PLCL1: variants seen among roughly 807,000 people sequenced by gnomAD.
PLCL1 encodes the protein inactive phospholipase C-like protein 1.
In PLCL1, 41 loss-of-function variants were observed where a neutral mutation model predicts 84.4. That is an observed-to-expected ratio of 0.49 (90% CI 0.38 to 0.63). The LOEUF is 0.63. Ranked by LOEUF, PLCL1 falls within the 30% of genes least tolerant of loss-of-function variation. The pLI, the probability that PLCL1 is intolerant of heterozygous loss-of-function variation, is 0.00. For synonymous variants in PLCL1, 490 were observed against 488.3 expected, an observed-to-expected ratio of 1.00 and a Z score of -0.05; for missense variants, 1,206 against 1,367.8, an observed-to-expected ratio of 0.88 and a Z score of 1.87.
chr2:198,092,203 T>C (rs1170893651), intron 3 of PLCL1, among the ~76,000 whole-genome samples: 2 of 150,710 alleles, frequency 1.3e-5, no homozygotes, highest in African/African-American at 4.9e-5. Context: ...TGTCCCAGTC[T>C]CACCTGCATC....
intron 1 of PLCL1, among the ~76,000 whole-genome samples, chr2:197,923,417 C>A (rs1009372600): frequency 2.0e-5 from 3 of 147,144 alleles, no homozygotes; most frequent in Non-Finnish European, 3.0e-5. Flanking sequence ...GGTTGCCAGG[C>A]AGAGGGTCTC....
chr2:198,053,659 A>G (rs1356341011), intron 1 of PLCL1, among the ~76,000 whole-genome samples: 1 of 152,200 alleles, frequency 6.6e-6, no homozygotes, highest in African/African-American at 2.4e-5. Flanking sequence ...GATCCAGTCC[A>G]TTTCGGTAAT....
chr2:197,995,869 A>G (rs1016725293), intron 1 of PLCL1, among the ~76,000 whole-genome samples: 6 of 152,164 alleles, frequency 3.9e-5, no homozygotes, highest in Non-Finnish European at 2.9e-5. Context: ...TGAAAGCAAG[A>G]ACTTTCTGTC....
intron 1 of PLCL1, among the ~76,000 whole-genome samples, chr2:197,922,856 C>A (rs1688737348): frequency 7.5e-6 from 1 of 133,258 alleles, no homozygotes. Context: ...GGCGGCCGGG[C>A]AGAGGCGCCC....
intron 1 of PLCL1, among the ~76,000 whole-genome samples, chr2:197,807,347 CA>C (rs1258384783): frequency 1.9e-5 from 1 of 51,530 alleles, no homozygotes; most frequent in African/African-American, 1.3e-4. Context: ...CTGATTTCTA[CA>C]AAAAAATCTG....
intron 1 of PLCL1, among the ~76,000 whole-genome samples, chr2:197,964,854 TA>T: frequency 6.6e-6 from 1 of 152,322 alleles, no homozygotes; most frequent in South Asian, 2.1e-4. Flanking sequence ...ATATGTTTTT[TA>T]TCTTTTATTC....
At chr2:197,897,109 T>TTCC (rs1427609051) in intron 1 of PLCL1, among the ~76,000 whole-genome samples, 2 of 37,184 alleles carry the variant, frequency 5.4e-5, no homozygotes. Flanking sequence ...CTTCTTCTTC[T>TTCC]TCTTCTTCTT....
chr2:198,012,974 A>G (rs1034962557), intron 1 of PLCL1, among the ~76,000 whole-genome samples: 4 of 152,104 alleles, frequency 2.6e-5, no homozygotes, highest in Non-Finnish European at 5.9e-5. Flanking sequence ...AACCTTTTAC[A>G]TCTCTGCCCC....
chr2:198,127,577 A>G lies in PLCL1; in HGVS notation c.3106-19203A>G, dbSNP rs183306011. On this transcript the variant is annotated intron_variant, in intron 5 of 5. Transcript: ENST00000428675. ...GGTTTTGCTAAGAAAGATAGTTTCC[A>G]TCTGAAAATGTGTGTACATAGTGTT... Among the ~76,000 whole-genome samples, 165 of 152,318 alleles carry G rather than the reference A, an allele frequency of 1.1e-3. 1 individual carries two copies. Among genetic ancestry groups the G allele is most frequent in the Middle Eastern group, 0.01 (3 of 294 alleles).
At position 198,084,407 on chromosome 2, in the gene PLCL1, G is replaced by A. The variant is rs140990771; in HGVS notation, c.890G>A (p.Arg297His). The A allele has an allele frequency of 9.3e-5, 150 of 1,614,014 alleles. No individual in the cohort carries two copies. Among genetic ancestry groups the A allele is most frequent in the Middle Eastern group, 8.2e-4 (5 of 6,084 alleles). The change falls in exon 2 of 6, where the codon CGC becomes CAC. Residue 297 changes from arginine (R) to histidine (H), a missense_variant. Arg to His is a conservative substitution (Grantham distance 29). Transcript: ENST00000428675. ...IQKSKEKLTT[R>H]VTEEEFCEAF... is the part of the protein sequence containing the mutation. ...AAGAGCAAGGAAAAACTAACCACCCGCGTGACCGAAGAGGAATTTTGTGAA... is the reference window on the plus strand; with the variant it reads ...AAGAGCAAGGAAAAACTAACCACCCACGTGACCGAAGAGGAATTTTGTGAA...
intron 1 of PLCL1, among the ~76,000 whole-genome samples, chr2:197,924,030 G>A (rs1395473730): frequency 6.7e-6 from 1 of 149,614 alleles, no homozygotes; most frequent in Non-Finnish European, 1.5e-5. Flanking sequence ...GCCTGCAATC[G>A]CAGGCACTCG....
At chr2:198,023,139 G>T (rs1691179538) in intron 1 of PLCL1, among the ~76,000 whole-genome samples, 2 of 152,154 alleles carry the variant, frequency 1.3e-5, no homozygotes, top group Non-Finnish European at 2.9e-5. Context: ...ACAAAAACAA[G>T]CAATGGGGAA....
At chr2:198,082,603 G>A (rs1692746182) in intron 1 of PLCL1, among the ~76,000 whole-genome samples, 1 of 151,996 alleles carries the variant, frequency 6.6e-6, no homozygotes, top group African/African-American at 2.4e-5. Context: ...GATGTGGTTG[G>A]GAGCATCATT....
chr2:198,092,290 A>G (rs118149843), intron 3 of PLCL1, among the ~76,000 whole-genome samples: 1 of 152,166 alleles, frequency 6.6e-6, no homozygotes, highest in African/African-American at 2.4e-5. Flanking sequence ...CTGCCTCTCC[A>G]GTCTCATCTG....
intron 1 of PLCL1, among the ~76,000 whole-genome samples, chr2:197,919,234 G>A (rs1203442899): frequency 6.6e-6 from 1 of 152,136 alleles, no homozygotes; most frequent in South Asian, 2.1e-4. Context: ...TAATGTGCAT[G>A]TCTATAGACA....
chr2:198,025,684 T>C (rs1003441170), intron 1 of PLCL1, among the ~76,000 whole-genome samples: 1 of 152,098 alleles, frequency 6.6e-6, no homozygotes, highest in African/African-American at 2.4e-5. Context: ...AAATGTTTAG[T>C]TTTGGCACAA....
intron 1 of PLCL1, among the ~76,000 whole-genome samples, chr2:198,028,534 C>A (rs899588984): frequency 2.6e-5 from 4 of 152,142 alleles, no homozygotes; most frequent in African/African-American, 9.7e-5. Context: ...ACTCTTCAGA[C>A]AGTTTATCTT....
Position 198,027,318 on chromosome 2 carries a change from C to T in PLCL1, c.241-56440C>T, listed in dbSNP as rs1432124708. On this transcript the variant is annotated intron_variant, in intron 1 of 5. Coordinates refer to ENST00000428675, the MANE Select transcript of PLCL1 (RefSeq NM_006226.4). ...GAATCTGAAAAAAGTCTCATGGAAG[C>T]AAAGACTAGAATGGTGGTGGCTAGG... Among the ~76,000 whole-genome samples, 3 of 152,228 alleles carry T rather than the reference C, an allele frequency of 2.0e-5. No homozygotes were observed. The East Asian group carries it at 5.8e-4, about 29-fold the overall frequency.
At chr2:197,981,784 A>C (rs1690113140) in intron 1 of PLCL1, among the ~76,000 whole-genome samples, 1 of 152,192 alleles carries the variant, frequency 6.6e-6, no homozygotes, top group East Asian at 1.9e-4. Context: ...GCATGATAAA[A>C]GTTAGGGCCA....
Sources: gnomAD v4.1 joint callset for allele counts (sites outside exome capture counted in the v4.1 genomes callset) on GRCh38, gnomAD v4.1.1 for gene constraint, MANE v1.5 for transcripts, NCBI Gene and HGNC (gene_info 2026-07-23, HGNC 2026-07-21) for gene names.